The following SWT1 variants were observed in gnomAD, a reference collection of about 807,000 sequenced individuals.
SWT1 encodes the protein SWT1 RNA endoribonuclease homolog.
SWT1 carries 33 observed loss-of-function variants against 107.3 expected under a neutral mutation model. That is an observed-to-expected ratio of 0.31 (90% CI 0.23 to 0.41). The LOEUF is 0.41. Ranked by LOEUF, SWT1 falls within the 10% of genes least tolerant of loss-of-function variation. SWT1 has a pLI of 1.00. For missense variants in SWT1, 898 were observed against 1,028.9 expected (o/e 0.87, Z 1.74); for synonymous variants, 345 against 348.3 (o/e 0.99, Z 0.11).
At chr1:185,173,042 CAAAAAAA>C (rs71555458) in intron 4 of SWT1, among the ~76,000 whole-genome samples, 1 of 87,388 alleles carries the variant, frequency 1.1e-5, no homozygotes, top group Admixed American at 1.4e-4. Flanking sequence ...GACTCCGTCT[CAAAAAAA>C]AAAAAAAAAA....
chr1:185,226,333 A>G (rs1660049637), intron 15 of SWT1, among the ~76,000 whole-genome samples: 1 of 152,206 alleles, frequency 6.6e-6, no homozygotes, highest in Non-Finnish European at 1.5e-5. Flanking sequence ...CTGGTTATGT[A>G]CCAGACACAT....
intron 12 of SWT1, 22 bp from the exon 13 acceptor site, chr1:185,206,602 AT>A: frequency 2.1e-6 from 3 of 1,409,304 alleles, no homozygotes; most frequent in South Asian, 1.7e-5. Flanking sequence ...AGAGATGTTA[AT>A]TTTTTTCTAC....
At chr1:185,199,813 C>T (rs1442031952) in intron 10 of SWT1, among the ~76,000 whole-genome samples, 1 of 152,140 alleles carries the variant, frequency 6.6e-6, no homozygotes, top group Non-Finnish European at 1.5e-5. Context: ...TGGGGAAGTT[C>T]TCCTGGATAA....
chr1:185,259,903 C>A (rs1043246807), intron 16 of SWT1, among the ~76,000 whole-genome samples: 2 of 152,110 alleles, frequency 1.3e-5, no homozygotes, highest in African/African-American at 2.4e-5. Context: ...AAGAGAGATA[C>A]CCTGATGACC....
rs574393115 is a variant in SWT1, at chr1:185,190,456, G to A, written c.1430-93G>A. 17 of 708,074 alleles carry A rather than the reference G, an allele frequency of 2.4e-5. 1 individual carries two copies. In the South Asian group the frequency reaches 2.5e-4, roughly 10 times the overall value. The allele number at this position is 708,074 out of a possible 1,614,324, so 43.9% of individuals were successfully genotyped here. The stretch of plus-strand genomic sequence containing the variant: ...TACCTTAACTACCTTAAATCTCTTA[G>A]ATATTTTTGTTTTGTAAATACAGCC... On this transcript the variant is annotated intron_variant, in intron 9 of 18. Coordinates refer to ENST00000367500, the MANE Select transcript of SWT1 (RefSeq NM_017673.7).
intron 5 of SWT1, among the ~76,000 whole-genome samples, chr1:185,178,909 A>G (rs1558016650): frequency 6.6e-6 from 1 of 152,358 alleles, no homozygotes; most frequent in East Asian, 1.9e-4. Context: ...CCAGTAAAGC[A>G]TTTAGCCTGA....
intron 16 of SWT1, among the ~76,000 whole-genome samples, chr1:185,240,767 T>G (rs1209679323): frequency 6.6e-6 from 1 of 152,146 alleles, no homozygotes; most frequent in East Asian, 1.9e-4. Flanking sequence ...GCTATTTTTC[T>G]AAAATAATTG....
chr1:185,202,007 A>G (rs1657923408), intron 10 of SWT1, among the ~76,000 whole-genome samples: 2 of 152,070 alleles, frequency 1.3e-5, no homozygotes, highest in African/African-American at 2.4e-5. Context: ...TGACCAAACT[A>G]CTATGCCATT....
intron 16 of SWT1, among the ~76,000 whole-genome samples, chr1:185,253,789 G>T (rs1662249948): frequency 6.6e-6 from 1 of 151,488 alleles, no homozygotes; most frequent in African/African-American, 2.4e-5. Context: ...CTGCCTAATT[G>T]CCCTGGCCAG....
Position 185,191,597 on chromosome 1 carries a change from C to T in SWT1, c.1523+955C>T, listed in dbSNP as rs552853380. Among the ~76,000 whole-genome samples the T allele has an allele frequency of 3.9e-5, 6 of 152,030 alleles. No homozygotes were observed. The South Asian group carries it at 1.2e-3, about 32-fold the overall frequency. On this transcript the variant is annotated intron_variant, in intron 10 of 18. Transcript: ENST00000367500. ...AGCTATCTTCAAAGATAATGTGATT[C>T]CTTTTGCTATTAAAGGAAATATTGG... is the stretch of plus-strand genomic sequence containing the variant.
In SWT1 at chr1:185,166,634, A is replaced by G. The variant is rs760248789; in HGVS notation, c.147A>G (p.Ser49=). 6.2e-7 allele frequency: 1 copy of G among 1,601,526 alleles called. No individual in the cohort carries two copies. Among genetic ancestry groups the G allele is most frequent in the South Asian group, 1.1e-5 (1 of 89,410 alleles). The change falls in exon 3 of 19, where the codon TCA becomes TCG. Residue 49 remains serine, a synonymous_variant. Transcript: ENST00000367500. ...GTTCATCTTCTATAAGATCAGTTTC[A>G]TCAGAAAAGAGAAAACTGGTGAGTG... The part of the protein sequence containing the change: ...STSSSSIRSV[S]SEKRKLKSDH...
At chr1:185,257,742 G>T (rs1662708032) in intron 16 of SWT1, among the ~76,000 whole-genome samples, 1 of 152,230 alleles carries the variant, frequency 6.6e-6, no homozygotes, top group Admixed American at 6.5e-5. Context: ...ACCGCCTTCT[G>T]CGTCGCTCAC....
chr1:185,180,136 G>A (rs1655895983), intron 5 of SWT1, among the ~76,000 whole-genome samples: 1 of 152,150 alleles, frequency 6.6e-6, no homozygotes, highest in Non-Finnish European at 1.5e-5. Context: ...GTGAATCACA[G>A]TTGTGCCATT....
intron 14 of SWT1, among the ~76,000 whole-genome samples, chr1:185,215,077 G>A (rs1659110751): frequency 6.6e-6 from 1 of 152,060 alleles, no homozygotes. Context: ...TGTTGTCCTT[G>A]TTTTACTTTT....
chr1:185,280,758 G>A (rs982423380), intron 18 of SWT1: 3 of 268,140 alleles, frequency 1.1e-5, no homozygotes, highest in Non-Finnish European at 2.2e-5. Flanking sequence ...GGAGAAGCTG[G>A]GCCTGGAGGA....
chr1:185,169,547 C>G (rs765391038), intron 4 of SWT1, among the ~76,000 whole-genome samples: 5 of 152,056 alleles, frequency 3.3e-5, no homozygotes, highest in Non-Finnish European at 5.9e-5. Context: ...TGCACCATTA[C>G]TGTAATTCCT....
At chr1:185,244,816 G>A (rs1022639058) in intron 16 of SWT1, among the ~76,000 whole-genome samples, 3 of 152,082 alleles carry the variant, frequency 2.0e-5, no homozygotes, top group Non-Finnish European at 2.9e-5. Context: ...CATGGTGGCC[G>A]ACACCTGTAA....
intron 2 of SWT1, among the ~76,000 whole-genome samples, chr1:185,164,965 A>T (rs1285143239): frequency 6.6e-6 from 1 of 152,196 alleles, no homozygotes; most frequent in East Asian, 1.9e-4. Context: ...TACCTTCCTC[A>T]GTAAGTGTAA....
At chr1:185,290,419 G>T (rs947469717) in intron 18 of SWT1, among the ~76,000 whole-genome samples, 5 of 151,456 alleles carry the variant, frequency 3.3e-5, no homozygotes, top group Admixed American at 1.3e-4. Context: ...TCTAAAAAAA[G>T]TTTTTTTTTA....
Sources: allele counts gnomAD v4.1 joint callset (sites outside exome capture counted in the v4.1 genomes callset), GRCh38; gene constraint gnomAD v4.1.1; transcripts MANE v1.5; gene names NCBI Gene and HGNC (gene_info 2026-07-23, HGNC 2026-07-21).